Variants in ARAP2 observed in about 807,000 individuals in gnomAD.
ARAP2 encodes the protein ArfGAP with RhoGAP domain, ankyrin repeat and PH domain 2, also known as arf-GAP with Rho-GAP domain, ANK repeat and PH domain-containing protein 2.
Under a neutral mutation model 194.5 loss-of-function variants are expected in ARAP2, and 148 were observed. That is an observed-to-expected ratio of 0.76 (90% confidence interval 0.67 to 0.87). The LOEUF (loss-of-function observed/expected upper bound fraction) is 0.87. ARAP2 is among the 40% of genes least tolerant of loss of function. The probability of loss-of-function intolerance (pLI) is 0.00; values close to 1 mark genes in which losing one functional copy is unlikely to be tolerated. For synonymous variants in ARAP2, 695 were observed against 683.5 expected (o/e 1.02, Z -0.26); for missense variants, 2,128 against 1,989.7 (o/e 1.07, Z -1.32).
intron 15 of ARAP2, among the ~76,000 whole-genome samples, chr4:36,154,791 T>C (rs1373268168): frequency 2.6e-5 from 4 of 152,226 alleles, no homozygotes; most frequent in African/African-American, 4.8e-5. Context: ...ATGGCTGTCC[T>C]GACAAGTGCT....
chr4:36,080,391 G>A (rs538137638), intron 30 of ARAP2, 112 bp from the exon 31 acceptor site: 19 of 777,622 alleles, frequency 2.4e-5, no homozygotes, highest in Non-Finnish European at 3.8e-5. Context: ...CCTGATTAAT[G>A]ACGTAATGCA....
chr4:36,148,399 A>C lies in ARAP2; in HGVS notation c.3000+6T>G, dbSNP rs748805440. The C allele has an allele frequency of 3.1e-6, 5 of 1,606,148 alleles. No homozygotes were observed. The highest frequency in any genetic ancestry group is 3.4e-6 in the Non-Finnish European group (4 of 1,173,710). On this transcript the variant is annotated splice_donor_region_variant and intron_variant, in intron 17 of 32. Coordinates refer to ENST00000303965, the MANE Select transcript of ARAP2 (RefSeq NM_015230.4). ...GATTTAGAGCAGTAACATAATATTT[A>C]AATACCTTGGCTATTGCCTCTGTCC...
chr4:36,147,798 C>G (rs1730005504), intron 17 of ARAP2, 52 bp from the exon 18 acceptor site: 12 of 1,394,026 alleles, frequency 8.6e-6, no homozygotes, highest in Non-Finnish European at 1.2e-5. Context: ...TAGGAAATCC[C>G]TTCCCTATCT....
chr4:36,208,497 T>C (rs989490568), intron 6 of ARAP2, among the ~76,000 whole-genome samples: 3 of 152,164 alleles, frequency 2.0e-5, no homozygotes, highest in Admixed American at 2.0e-4. Flanking sequence ...GAGTTTGGAA[T>C]CCCATCTCAA....
intron 27 of ARAP2, among the ~76,000 whole-genome samples, chr4:36,101,829 C>A (rs1717015528): frequency 6.6e-6 from 1 of 151,976 alleles, no homozygotes; most frequent in Non-Finnish European, 1.5e-5. Flanking sequence ...TCCTGGGATA[C>A]TTCTAAGTAA....
downstream of ARAP2, among the ~76,000 whole-genome samples, chr4:36,062,812 G>A (rs1339433172): frequency 1.3e-5 from 2 of 152,082 alleles, no homozygotes; most frequent in Admixed American, 1.3e-4. Flanking sequence ...TATAGTGGCT[G>A]TGGCAGAAAA....
intron 31 of ARAP2, among the ~76,000 whole-genome samples, chr4:36,077,181 A>G (rs1728439179): frequency 6.6e-6 from 1 of 152,072 alleles, no homozygotes; most frequent in Non-Finnish European, 1.5e-5. Context: ...CATTGTAAGG[A>G]GAGGACAAGA....
intron 31 of ARAP2, among the ~76,000 whole-genome samples, chr4:36,079,998 G>T (rs1374602258): frequency 1.3e-5 from 2 of 152,132 alleles, no homozygotes; most frequent in African/African-American, 4.8e-5. Context: ...TGGCAGAAAA[G>T]ACGCTTTAAT....
At chr4:36,181,131 A>AG (rs1739146682) in intron 8 of ARAP2, among the ~76,000 whole-genome samples, 1 of 152,208 alleles carries the variant, frequency 6.6e-6, no homozygotes, top group African/African-American at 2.4e-5. Context: ...TCTTACCGAT[A>AG]ACAAATATCT....
At chr4:36,097,987 G>A (rs367892635) in intron 27 of ARAP2, among the ~76,000 whole-genome samples, 1 of 151,900 alleles carries the variant, frequency 6.6e-6, no homozygotes, top group Non-Finnish European at 1.5e-5. Flanking sequence ...AAGCAGAATG[G>A]CCAAATTTAT....
chr4:36,154,215 G>T (rs1731695769), intron 15 of ARAP2, among the ~76,000 whole-genome samples: 1 of 152,096 alleles, frequency 6.6e-6, no homozygotes, highest in Non-Finnish European at 1.5e-5. Flanking sequence ...CTATGAATTT[G>T]CTTCATGTTG....
chr4:36,240,922 G>C (rs6826962), intron 1 of ARAP2, among the ~76,000 whole-genome samples: 1 of 152,130 alleles, frequency 6.6e-6, no homozygotes, highest in East Asian at 1.9e-4. Flanking sequence ...AGCATAGGAG[G>C]TACCTAGGTT....
intron 2 of ARAP2, among the ~76,000 whole-genome samples, chr4:36,053,029 A>T (rs1722939328): frequency 6.6e-6 from 1 of 151,994 alleles, no homozygotes; most frequent in South Asian, 2.1e-4. Context: ...TTTGTTTTAG[A>T]TGGAGTCTCA....
intron 2 of ARAP2, among the ~76,000 whole-genome samples, chr4:36,054,367 C>T (rs1449672125): frequency 1.3e-5 from 2 of 152,136 alleles, no homozygotes; most frequent in African/African-American, 4.8e-5. Context: ...GGAAAAATAG[C>T]AACTAATTTT....
chr4:36,143,973 A>C (rs1728979033), intron 19 of ARAP2, among the ~76,000 whole-genome samples: 1 of 151,858 alleles, frequency 6.6e-6, no homozygotes, highest in Non-Finnish European at 1.5e-5. Flanking sequence ...TCTGCAGTCC[A>C]GCGGTAAGAT....
intron 2 of ARAP2, among the ~76,000 whole-genome samples, chr4:36,223,802 G>A (rs1331969341): frequency 6.6e-6 from 1 of 152,022 alleles, no homozygotes. Context: ...AGCCAGTAGA[G>A]AGCCGTCACC....
intron 1 of ARAP2, among the ~76,000 whole-genome samples, chr4:36,243,208 T>C (rs1045103882): frequency 6.6e-6 from 1 of 151,864 alleles, no homozygotes; most frequent in African/African-American, 2.4e-5. Context: ...GGGTGTAGAG[T>C]GCTTAAGTGC....
rs753199095 is a variant in ARAP2 at position 36,166,356 on chromosome 4, ATT to A, written c.1973+574_1973+575del. Reference sequence around the variant, plus strand: ...GAGTCATTTTAGTTTATTAAACCATATTAATACTTTAAATTATCTTTTTCATT... The same window carrying A: ...GAGTCATTTTAGTTTATTAAACCATAAATACTTTAAATTATCTTTTTCATT... On this transcript the variant is annotated intron_variant, in intron 10 of 32. Transcript: ENST00000303965. Among the ~76,000 whole-genome samples, 48 of 152,228 alleles carry A rather than the reference ATT, an allele frequency of 3.2e-4. 1 individual carries two copies. The highest frequency in any genetic ancestry group is 2.4e-3 in the Admixed American group (36 of 15,294).
At chr4:36,193,799 G>A in intron 6 of ARAP2, 152 bp from the exon 7 acceptor site, 2 of 556,368 alleles carry the variant, frequency 3.6e-6, no homozygotes, top group Non-Finnish European at 5.9e-6. Context: ...TTTTGGCCAT[G>A]GCACATAGGA....
Sources: allele counts gnomAD v4.1 joint callset (sites outside exome capture counted in the v4.1 genomes callset), GRCh38; gene constraint gnomAD v4.1.1; transcripts MANE v1.5; gene names NCBI Gene and HGNC (gene_info 2026-07-23, HGNC 2026-07-21).